ALPK1: variants seen among roughly 807,000 people sequenced by gnomAD.
The protein encoded by ALPK1 is alpha-protein kinase 1.
Under a neutral mutation model 120.6 loss-of-function variants are expected in ALPK1, and 110 were observed. That is an observed-to-expected ratio of 0.91 (90% CI 0.78 to 1.07). ALPK1 has a LOEUF of 1.07. Among genes scored for constraint, ALPK1 ranks in the 50% least tolerant of loss-of-function variants. The pLI, the probability that ALPK1 is intolerant of heterozygous loss-of-function variation, is 0.00. For synonymous variants in ALPK1, 582 were observed against 560.3 expected, an observed-to-expected ratio of 1.04 and a Z score of -0.55; for missense variants, 1,498 against 1,483.9, an observed-to-expected ratio of 1.01 and a Z score of -0.16.
At chr4:112,335,669 CTT>C (rs1337713204) in intron 2 of ALPK1, among the ~76,000 whole-genome samples, 1 of 152,134 alleles carries the variant, frequency 6.6e-6, no homozygotes, top group African/African-American at 2.4e-5. Context: ...AAATATAACT[CTT>C]TATATTTTTC....
chr4:112,412,093 C>T, intron 5 of ALPK1, 68 bp downstream of exon 5: 1 of 1,589,386 alleles, frequency 6.3e-7, no homozygotes, highest in African/African-American at 1.3e-5. Flanking sequence ...TCCCGAGCTA[C>T]TTGACCTCTG....
At chr4:112,371,436 G>T (rs535541927) in intron 2 of ALPK1, among the ~76,000 whole-genome samples, 1 of 152,022 alleles carries the variant, frequency 6.6e-6, no homozygotes, top group African/African-American at 2.4e-5. Context: ...TCCTTTTATC[G>T]CTAGTTCAGC....
intron 2 of ALPK1, among the ~76,000 whole-genome samples, chr4:112,336,827 C>T (rs1262981280): frequency 6.6e-6 from 1 of 152,062 alleles, no homozygotes; most frequent in Non-Finnish European, 1.5e-5. Flanking sequence ...TTACACATTT[C>T]CAAAGAATTT....
At chr4:112,358,913 C>T (rs1730777848) in intron 2 of ALPK1, 1 of 769,282 alleles carries the variant, frequency 1.3e-6, no homozygotes, top group Admixed American at 1.7e-5. Context: ...TTGCTGAAAA[C>T]CCCAAGAAGC....
intron 2 of ALPK1, among the ~76,000 whole-genome samples, chr4:112,324,200 G>A (rs893270129): frequency 2.0e-5 from 3 of 152,166 alleles, no homozygotes; most frequent in South Asian, 4.1e-4. Flanking sequence ...GGTGGCAGGC[G>A]CCTGTAGTCC....
intron 2 of ALPK1, among the ~76,000 whole-genome samples, chr4:112,333,172 G>A (rs1163732350): frequency 6.6e-6 from 1 of 152,210 alleles, no homozygotes; most frequent in East Asian, 1.9e-4. Flanking sequence ...GTCCTTGCAG[G>A]TCAAACCATT....
rs756716959 is a variant in ALPK1, at chr4:112,430,665, GGACGGTCCATGCAGCAA to G, written c.1120_1136del (p.Thr374SerfsTer4). On this transcript the variant is annotated frameshift_variant, in exon 11 of 16. Transcript: ENST00000650871. LOFTEE classifies it high-confidence loss of function. Reference sequence around the variant, plus strand: ...CACAGAAGGCTCCATGGGGAGACAGGGACGGTCCATGCAGCAAGTCAGCTCTGTAAGGAAGCAATGGG... The same window carrying G: ...CACAGAAGGCTCCATGGGGAGACAGGGTCAGCTCTGTAAGGAAGCAATGGG... 6.2e-7 allele frequency: 1 copy of G among 1,614,132 alleles called. No homozygotes were observed. Among genetic ancestry groups the G allele is most frequent in the Admixed American group, 1.7e-5 (1 of 60,026 alleles).
intron 9 of ALPK1, among the ~76,000 whole-genome samples, chr4:112,428,850 G>C (rs115097563): frequency 3.3e-5 from 5 of 152,170 alleles, no homozygotes; most frequent in Non-Finnish European, 5.9e-5. Context: ...TGCCAAGAGC[G>C]TGCAGAAATC....
At chr4:112,306,498 A>G (rs913595059) in intron 1 of ALPK1, among the ~76,000 whole-genome samples, 1 of 152,106 alleles carries the variant, frequency 6.6e-6, no homozygotes, top group Admixed American at 6.5e-5. Flanking sequence ...GTGTCGAGGA[A>G]TTTATCCATT....
chr4:112,399,153 C>T (rs921022891), intron 4 of ALPK1, among the ~76,000 whole-genome samples: 8 of 152,128 alleles, frequency 5.3e-5, no homozygotes, highest in Admixed American at 2.6e-4. Flanking sequence ...GGCCATGGTA[C>T]AGGCTGAGTG....
Position 112,424,311 on chromosome 4 carries a change from G to C in ALPK1, c.535+308G>C, listed in dbSNP as rs550147582. On this transcript the variant is annotated intron_variant, in intron 6 of 15. Transcript: ENST00000650871. ...AGATAACTCAGTGGGCCTTAGAAAG[G>C]TTCAACAGCAGCTTTTAAACAAAAT... Among the ~76,000 whole-genome samples the C allele has an allele frequency of 5.3e-5, 8 of 152,220 alleles. No individual in the cohort carries two copies. In the South Asian group the frequency reaches 1.2e-3, roughly 24 times the overall value.
chr4:112,418,209 C>T (rs1302980782), intron 5 of ALPK1, among the ~76,000 whole-genome samples: 6 of 152,192 alleles, frequency 3.9e-5, no homozygotes, highest in African/African-American at 1.4e-4. Context: ...ACATGGCTCG[C>T]CGCGTGGCAG....
rs1389596819 is a variant in ALPK1 at position 112,297,378 on chromosome 4, A to C, written c.-244A>C. On this transcript the variant is annotated 5_prime_UTR_variant, in exon 1 of 16. Coordinates refer to ENST00000650871, the MANE Select transcript of ALPK1 (RefSeq NM_025144.4). ...TCCTGAAACTGAAGCCGTTTATGAG[A>C]AACAGTGTGTTTCAGAGAGGCTGTA... 1 of 151,826 alleles carries C rather than the reference A, an allele frequency of 6.6e-6. No individual in the cohort carries two copies. The highest frequency in any genetic ancestry group is 1.5e-5 in the Non-Finnish European group (1 of 67,978). The allele number at this position is 151,826 out of a possible 1,614,324, so 9.4% of individuals were successfully genotyped here. A position where few individuals can be genotyped will look rare whatever the true frequency, so the allele number is the denominator to read the frequency against.
intron 2 of ALPK1, among the ~76,000 whole-genome samples, chr4:112,332,316 C>T (rs187179653): frequency 1.1e-4 from 16 of 152,234 alleles, no homozygotes; most frequent in South Asian, 8.3e-4. Context: ...TAGAACTGGA[C>T]GCAAGAAGGT....
chr4:112,439,143 C>T (rs1039597043), intron 13 of ALPK1, among the ~76,000 whole-genome samples: 15 of 152,210 alleles, frequency 9.9e-5, no homozygotes, highest in Admixed American at 2.6e-4. Context: ...CTTGCTACCC[C>T]GAATATATTA....
At chr4:112,421,848 T>C (rs1734007836) in intron 5 of ALPK1, among the ~76,000 whole-genome samples, 1 of 152,234 alleles carries the variant, frequency 6.6e-6, no homozygotes, top group Non-Finnish European at 1.5e-5. Context: ...ATCCTTACCA[T>C]AGACCTTAGC....
At chr4:112,343,485 T>G (rs1729954456) in intron 2 of ALPK1, 1 of 152,062 alleles carries the variant, frequency 6.6e-6, no homozygotes, top group Admixed American at 6.5e-5. Flanking sequence ...GAGACAAAAG[T>G]AAATACCCGT....
chr4:112,376,584 A>T (rs1338934243), intron 2 of ALPK1, among the ~76,000 whole-genome samples: 1 of 152,208 alleles, frequency 6.6e-6, no homozygotes, highest in Non-Finnish European at 1.5e-5. Flanking sequence ...TTCAAAACCA[A>T]CTTCTTAAAG....
chr4:112,298,778 G>A (rs1727656043), intron 1 of ALPK1, among the ~76,000 whole-genome samples: 1 of 152,178 alleles, frequency 6.6e-6, no homozygotes, highest in African/African-American at 2.4e-5. Context: ...CAAGTGCCAT[G>A]TGATCTAGGT....
Sources: gnomAD v4.1 joint callset for allele counts (sites outside exome capture counted in the v4.1 genomes callset) on GRCh38, gnomAD v4.1.1 for gene constraint, MANE v1.5 for transcripts, NCBI Gene and HGNC (gene_info 2026-07-23, HGNC 2026-07-21) for gene names.